Variants in ADCY2 observed in about 807,000 individuals in gnomAD.
ADCY2 encodes the protein adenylate cyclase type 2.
In ADCY2, 31 loss-of-function variants were observed where a neutral mutation model predicts 125.2. The observed-to-expected ratio is 0.25, with a 90% CI of 0.19 to 0.33. The LOEUF is 0.33. Among genes scored for constraint, ADCY2 ranks in the 10% least tolerant of loss-of-function variants. ADCY2 has a pLI of 1.00. For missense variants in ADCY2, 904 were observed against 1,418.2 expected (o/e 0.64, Z 5.82); for synonymous variants, 512 against 548.4 (o/e 0.93, Z 0.93).
At chr5:7,754,505 G>A (rs1489732950) in intron 15 of ADCY2, among the ~76,000 whole-genome samples, 1 of 151,984 alleles carries the variant, frequency 6.6e-6, no homozygotes, top group Non-Finnish European at 1.5e-5. Flanking sequence ...TAAGAGCATT[G>A]ATTTTAATAA....
intron 1 of ADCY2, among the ~76,000 whole-genome samples, chr5:7,398,117 G>A (rs948080643): frequency 1.3e-5 from 2 of 152,190 alleles, no homozygotes; most frequent in African/African-American, 2.4e-5. Context: ...TTCAGCTTGT[G>A]ATTCTCTTGA....
At chr5:7,703,284 C>T (rs1741150998) in intron 7 of ADCY2, among the ~76,000 whole-genome samples, 2 of 152,214 alleles carry the variant, frequency 1.3e-5, no homozygotes, top group Admixed American at 6.5e-5. Context: ...GTGTTTTAGA[C>T]ATGAAGTTCT....
chr5:7,681,039 T>C (rs575091404), intron 4 of ADCY2, among the ~76,000 whole-genome samples: 1 of 152,338 alleles, frequency 6.6e-6, no homozygotes, highest in Admixed American at 6.5e-5. Context: ...AGAACACCTT[T>C]ATTTTTGAGT....
At chr5:7,694,600 C>A (rs1318746610) in intron 5 of ADCY2, among the ~76,000 whole-genome samples, 1 of 152,176 alleles carries the variant, frequency 6.6e-6, no homozygotes, top group African/African-American at 2.4e-5. Context: ...CAGCACATGT[C>A]AGAATTTCAT....
intron 3 of ADCY2, among the ~76,000 whole-genome samples, chr5:7,598,010 C>T (rs141559785): frequency 3.8e-4 from 58 of 152,242 alleles, no homozygotes; most frequent in African/African-American, 1.2e-3. Context: ...CCCAGCACAA[C>T]GTATACATAG....
chr5:7,531,516 C>T, intron 3 of ADCY2, among the ~76,000 whole-genome samples: 1 of 152,154 alleles, frequency 6.6e-6, no homozygotes. Flanking sequence ...CATTTATTAT[C>T]TCACAGAAAT....
intron 3 of ADCY2, among the ~76,000 whole-genome samples, chr5:7,578,988 A>G (rs1054867368): frequency 6.6e-6 from 1 of 152,182 alleles, no homozygotes; most frequent in African/African-American, 2.4e-5. Flanking sequence ...TATTGAATTG[A>G]GAAAGTCATT....
chr5:7,414,357 TA>T (rs749948684), intron 1 of ADCY2, among the ~76,000 whole-genome samples: 6 of 152,156 alleles, frequency 3.9e-5, no homozygotes, highest in Admixed American at 6.6e-5. Context: ...TGTCCTATTT[TA>T]AATATCCAAC....
chr5:7,765,867 A>G (rs988965371), intron 16 of ADCY2, among the ~76,000 whole-genome samples: 9 of 152,162 alleles, frequency 5.9e-5, no homozygotes, highest in African/African-American at 9.7e-5. Flanking sequence ...CCTTAGCCAC[A>G]TGACAGAAAA....
At chr5:7,701,308 C>T (rs1561175265) in intron 7 of ADCY2, among the ~76,000 whole-genome samples, 1 of 152,126 alleles carries the variant, frequency 6.6e-6, no homozygotes. Context: ...CTTGTTTCTG[C>T]TTTTGAATGA....
intron 2 of ADCY2, among the ~76,000 whole-genome samples, chr5:7,432,963 G>T (rs1740662858): frequency 7.8e-6 from 1 of 127,598 alleles, no homozygotes. Flanking sequence ...CTCAGTAAGG[G>T]TGTAAGATGG....
chr5:7,647,827 C>T (rs185392004), intron 4 of ADCY2, among the ~76,000 whole-genome samples: 2 of 152,300 alleles, frequency 1.3e-5, no homozygotes, highest in Non-Finnish European at 2.9e-5. Context: ...GTACAACTGT[C>T]CTTGACTTTC....
At chr5:7,436,631 C>T (rs1032207901) in intron 2 of ADCY2, among the ~76,000 whole-genome samples, 29 of 152,212 alleles carry the variant, frequency 1.9e-4, no homozygotes, top group Admixed American at 1.6e-3. Context: ...GATAAATCAT[C>T]CCTGGATGTT....
At chr5:7,507,707 GT>G (rs1253751979) in intron 2 of ADCY2, among the ~76,000 whole-genome samples, 1 of 152,130 alleles carries the variant, frequency 6.6e-6, no homozygotes. Context: ...GGAACGAGGT[GT>G]TTTTGTTAGG....
intron 18 of ADCY2, among the ~76,000 whole-genome samples, chr5:7,777,884 C>T (rs1743791892): frequency 1.3e-5 from 2 of 152,162 alleles, no homozygotes; most frequent in Non-Finnish European, 2.9e-5. Context: ...GAGAGTGTGC[C>T]ATTGAAAATC....
At chr5:7,817,529 T>TC (rs1745154859) in intron 23 of ADCY2, among the ~76,000 whole-genome samples, 1 of 152,088 alleles carries the variant, frequency 6.6e-6, no homozygotes, top group East Asian at 1.9e-4. Context: ...ATAATATTGT[T>TC]AAAAAATAAC....
chr5:7,655,325 TG>T (rs1379476799), intron 4 of ADCY2, among the ~76,000 whole-genome samples: 6 of 152,152 alleles, frequency 3.9e-5, no homozygotes, highest in African/African-American at 1.4e-4. Context: ...AGAGATCTAT[TG>T]GGAAGTGTTC....
chr5:7,761,307 G>T (rs1422334007), intron 16 of ADCY2, among the ~76,000 whole-genome samples: 2 of 151,516 alleles, frequency 1.3e-5, no homozygotes, highest in Admixed American at 6.6e-5. Flanking sequence ...CCACCACTAC[G>T]CCCACCTAAT....
At chr5:7,490,247 A>G (rs1477847496) in intron 2 of ADCY2, among the ~76,000 whole-genome samples, 20 of 152,152 alleles carry the variant, frequency 1.3e-4, no homozygotes, top group Admixed American at 1.3e-3. Context: ...TTGTTCTTTT[A>G]TTCCATTAAT....
Sources: gnomAD v4.1 joint callset for allele counts (sites outside exome capture counted in the v4.1 genomes callset) on GRCh38, gnomAD v4.1.1 for gene constraint, MANE v1.5 for transcripts, NCBI Gene and HGNC (gene_info 2026-07-23, HGNC 2026-07-21) for gene names.